STARD13: variants seen among roughly 807,000 people sequenced by gnomAD.
STARD13 encodes stAR-related lipid transfer protein 13.
STARD13 carries 62 observed loss-of-function variants against 106.4 expected under a neutral mutation model. The ratio of observed to expected loss-of-function variants is 0.58; its 90% CI spans 0.48 to 0.72. The LOEUF is 0.72. STARD13 is among the 30% of genes least tolerant of loss of function. The pLI, the probability that STARD13 is intolerant of heterozygous loss-of-function variation, is 0.00. For missense variants in STARD13, 1,387 were observed against 1,424.0 expected, an observed-to-expected ratio of 0.97 and a Z score of 0.42; for synonymous variants, 565 against 553.0, an observed-to-expected ratio of 1.02 and a Z score of -0.31.
At chr13:33,148,700 C>T (rs915966197) in intron 3 of STARD13, among the ~76,000 whole-genome samples, 10 of 152,158 alleles carry the variant, frequency 6.6e-5, no homozygotes, top group African/African-American at 2.2e-4. Context: ...ATCATATACT[C>T]GAGAAATTGC....
At chr13:33,636,484 C>T in the STARD13 span, among the ~76,000 whole-genome samples, 1 of 152,106 alleles carries the variant, frequency 6.6e-6, no homozygotes, top group Non-Finnish European at 1.5e-5. Flanking sequence ...GGGCAATAGG[C>T]ATAAACCGGG....
intron 1 of STARD13, among the ~76,000 whole-genome samples, chr13:33,267,472 G>A (rs543742349): frequency 4.6e-5 from 7 of 152,206 alleles, no homozygotes; most frequent in South Asian, 4.1e-4. Flanking sequence ...GTCCGTTCCC[G>A]CACCTATGAC....
chr13:33,194,971 T>G (rs1019613273), intron 1 of STARD13, among the ~76,000 whole-genome samples: 2 of 152,350 alleles, frequency 1.3e-5, no homozygotes, highest in East Asian at 3.9e-4. Flanking sequence ...AAAAGTTGTT[T>G]TTGTAAAAGA....
At chr13:33,602,347 TC>T in the STARD13 span, among the ~76,000 whole-genome samples, 5 of 152,304 alleles carry the variant, frequency 3.3e-5, no homozygotes, top group South Asian at 1.0e-3. Flanking sequence ...TGCCTTGGCC[TC>T]CCAAAGTGCT....
At chr13:33,401,009 G>C in the STARD13 span, among the ~76,000 whole-genome samples, 7 of 152,300 alleles carry the variant, frequency 4.6e-5, no homozygotes, top group African/African-American at 1.7e-4. Flanking sequence ...GAGAATGACT[G>C]TAGATCCTTG....
the STARD13 span, among the ~76,000 whole-genome samples, chr13:33,593,063 T>G: frequency 4.6e-5 from 7 of 152,328 alleles, no homozygotes; most frequent in African/African-American, 1.4e-4. Flanking sequence ...TAGGTCAATA[T>G]GCCAGGGCTG....
the STARD13 span, among the ~76,000 whole-genome samples, chr13:33,425,635 A>T: frequency 6.6e-6 from 1 of 152,212 alleles, no homozygotes; most frequent in Non-Finnish European, 1.5e-5. Flanking sequence ...ATTCTACATG[A>T]TTGCCAAATC....
chr13:33,410,425 T>C, the STARD13 span, among the ~76,000 whole-genome samples: 1 of 152,168 alleles, frequency 6.6e-6, no homozygotes, highest in Admixed American at 6.5e-5. Flanking sequence ...CCAAGACAAT[T>C]AAAGTTAGGA....
chr13:33,135,636 G>C (rs969534016), intron 4 of STARD13, among the ~76,000 whole-genome samples: 16 of 152,292 alleles, frequency 1.1e-4, no homozygotes, highest in African/African-American at 3.6e-4. Flanking sequence ...AAGGTGAATG[G>C]AATACCCTAA....
chr13:33,453,719 G>A, the STARD13 span, among the ~76,000 whole-genome samples: 1 of 152,120 alleles, frequency 6.6e-6, no homozygotes. Flanking sequence ...ATTGCTGCAT[G>A]CTACCATTTT....
At chr13:33,407,011 G>C in the STARD13 span, among the ~76,000 whole-genome samples, 1 of 152,184 alleles carries the variant, frequency 6.6e-6, no homozygotes, top group Non-Finnish European at 1.5e-5. Context: ...TCACTTAAAG[G>C]AAATCTGGCA....
the STARD13 span, chr13:33,359,575 GAATTGTTT>G: frequency 6.4e-6 from 1 of 155,966 alleles, no homozygotes; most frequent in South Asian, 2.0e-4. Flanking sequence ...TGAGGTAGGA[GAATTGTTT>G]GAACCTGGAA....
the STARD13 span, among the ~76,000 whole-genome samples, chr13:33,357,569 A>G: frequency 2.6e-5 from 4 of 152,228 alleles, no homozygotes; most frequent in Non-Finnish European, 5.9e-5. Context: ...TTAGAAAAAC[A>G]AAACAAAACA....
chr13:33,567,758 A>G, the STARD13 span, among the ~76,000 whole-genome samples: 1 of 148,030 alleles, frequency 6.8e-6, no homozygotes, highest in African/African-American at 2.5e-5. Context: ...AAATTCATCT[A>G]TGTCAGTATA....
the STARD13 span, among the ~76,000 whole-genome samples, chr13:33,410,344 C>T: frequency 6.6e-6 from 1 of 152,220 alleles, no homozygotes; most frequent in African/African-American, 2.4e-5. Flanking sequence ...ACCCTCTCTT[C>T]AAAAGGCTCA....
At chr13:33,463,590 G>A in the STARD13 span, among the ~76,000 whole-genome samples, 1 of 152,182 alleles carries the variant, frequency 6.6e-6, no homozygotes, top group South Asian at 2.1e-4. Flanking sequence ...GAAGTGCCAA[G>A]AAATGTTAGA....
At chr13:33,154,720 G>C (rs1379522016) in intron 3 of STARD13, among the ~76,000 whole-genome samples, 1 of 152,076 alleles carries the variant, frequency 6.6e-6, no homozygotes, top group East Asian at 1.9e-4. Flanking sequence ...AATTGAGTGG[G>C]GTGTCCTTAG....
chr13:33,384,333 T>C, the STARD13 span, among the ~76,000 whole-genome samples: 2 of 152,196 alleles, frequency 1.3e-5, no homozygotes, highest in Admixed American at 1.3e-4. Context: ...TAAAGCACTG[T>C]CATGTTGCCA....
the STARD13 span, among the ~76,000 whole-genome samples, chr13:33,418,467 T>A: frequency 3.3e-5 from 5 of 152,178 alleles, no homozygotes; most frequent in Non-Finnish European, 7.4e-5. Flanking sequence ...CCACCGCAGC[T>A]CAGCAAGGCC....
Sources: gnomAD v4.1 joint callset for allele counts (sites outside exome capture counted in the v4.1 genomes callset) on GRCh38, gnomAD v4.1.1 for gene constraint, MANE v1.5 for transcripts, NCBI Gene and HGNC (gene_info 2026-07-23, HGNC 2026-07-21) for gene names.